Variants in ATF7IP2 observed in about 807,000 individuals in gnomAD.
ATF7IP2 encodes activating transcription factor 7-interacting protein 2.
In ATF7IP2, 42 loss-of-function variants were observed where a neutral mutation model predicts 64.2. The ratio of observed to expected loss-of-function variants is 0.65; its 90% confidence interval spans 0.51 to 0.85. The LOEUF (loss-of-function observed/expected upper bound fraction) is 0.85. Ranked by LOEUF, ATF7IP2 falls within the 40% of genes least tolerant of loss-of-function variation. The probability of loss-of-function intolerance (pLI) is 0.00; values close to 1 mark genes in which losing one functional copy is unlikely to be tolerated. For synonymous variants in ATF7IP2, 308 were observed against 272.8 expected, an observed-to-expected ratio of 1.13 and a Z score of -1.27; for missense variants, 933 against 784.2, an observed-to-expected ratio of 1.19 and a Z score of -2.27.
At chr16:10,390,613 G>C (rs2047302568) in intron 1 of ATF7IP2, among the ~76,000 whole-genome samples, 1 of 152,084 alleles carries the variant, frequency 6.6e-6, no homozygotes, top group South Asian at 2.1e-4. Context: ...ACAGGACCCT[G>C]TCTCTACAAA....
chr16:10,467,417 C>A (rs956282930), intron 9 of ATF7IP2, among the ~76,000 whole-genome samples: 6 of 152,072 alleles, frequency 3.9e-5, no homozygotes, highest in African/African-American at 1.4e-4. Context: ...GTATAATGAA[C>A]ATCTGAGAAG....
chr16:10,412,304 A>G (rs980748996), intron 1 of ATF7IP2, among the ~76,000 whole-genome samples: 1 of 151,856 alleles, frequency 6.6e-6, no homozygotes, highest in African/African-American at 2.4e-5. Flanking sequence ...TTTTTGATTT[A>G]GGCATTTAGG....
chr16:10,407,372 T>C (rs1295331881), intron 1 of ATF7IP2, among the ~76,000 whole-genome samples: 1 of 152,152 alleles, frequency 6.6e-6, no homozygotes, highest in Non-Finnish European at 1.5e-5. Context: ...CATAGTACTA[T>C]AAGTCCTAGC....
At chr16:10,432,324 T>C (rs1233297514) in intron 5 of ATF7IP2, among the ~76,000 whole-genome samples, 1 of 152,192 alleles carries the variant, frequency 6.6e-6, no homozygotes, top group Non-Finnish European at 1.5e-5. Flanking sequence ...ATTTTGTTAA[T>C]GAAATAGAAA....
chr16:10,459,904 C>T (rs1461185560), intron 9 of ATF7IP2, among the ~76,000 whole-genome samples: 2 of 152,046 alleles, frequency 1.3e-5, no homozygotes, highest in African/African-American at 4.8e-5. Flanking sequence ...TTTTATATAA[C>T]ATACTGGATG....
intron 6 of ATF7IP2, among the ~76,000 whole-genome samples, chr16:10,437,052 G>A (rs1461617057): frequency 1.1e-4 from 16 of 146,330 alleles, no homozygotes; most frequent in East Asian, 5.9e-4. Context: ...ACGGAGTCTC[G>A]CTCAATCACC....
chr16:10,418,633 T>C (rs575070860), intron 2 of ATF7IP2, among the ~76,000 whole-genome samples: 1 of 152,346 alleles, frequency 6.6e-6, no homozygotes, highest in South Asian at 2.1e-4. Context: ...CTTCAAGCAC[T>C]CCAGTTCCTG....
chr16:10,426,737 A>G (rs2048093403), intron 3 of ATF7IP2, among the ~76,000 whole-genome samples: 1 of 152,208 alleles, frequency 6.6e-6, no homozygotes. Flanking sequence ...TTAACCATAA[A>G]AGAAAAAAAA....
At chr16:10,465,428 GTT>G (rs2049531535) in intron 9 of ATF7IP2, among the ~76,000 whole-genome samples, 1 of 151,860 alleles carries the variant, frequency 6.6e-6, no homozygotes, top group Non-Finnish European at 1.5e-5. Context: ...AGTTTCCTCA[GTT>G]TCCCTCCCAG....
intron 9 of ATF7IP2, among the ~76,000 whole-genome samples, chr16:10,467,843 G>A (rs533759271): frequency 4.0e-5 from 6 of 151,280 alleles, no homozygotes; most frequent in Admixed American, 4.0e-4. Flanking sequence ...GTGAGCCATG[G>A]CGCCCAGCCA....
Sources: gnomAD v4.1 joint callset for allele counts (sites outside exome capture counted in the v4.1 genomes callset) on GRCh38, gnomAD v4.1.1 for gene constraint, MANE v1.5 for transcripts, NCBI Gene and HGNC (gene_info 2026-07-23, HGNC 2026-07-21) for gene names.